Variants in NREP observed in about 807,000 individuals in gnomAD.
NREP encodes the protein neuronal regeneration-related protein.
In NREP, 5 loss-of-function variants were observed where a neutral mutation model predicts 8.6. The ratio of observed to expected loss-of-function variants is 0.58; its 90% CI spans 0.30 to 1.22. The LOEUF is 1.22. NREP is among the 50% of genes most tolerant of loss of function. The probability of loss-of-function intolerance (pLI) is 0.07; values close to 1 mark genes in which losing one functional copy is unlikely to be tolerated. For missense variants in NREP, 86 were observed against 82.5 expected (o/e 1.04, Z -0.17); for synonymous variants, 27 against 28.0 (o/e 0.96, Z 0.11).
chr5:111,927,175 G>C (rs1417591153), intron 2 of NREP, among the ~76,000 whole-genome samples: 1 of 152,006 alleles, frequency 6.6e-6, no homozygotes, highest in Admixed American at 6.6e-5. Flanking sequence ...GGTGTGTGGT[G>C]GGGGAGCCCT....
At chr5:111,802,278 G>C (rs1174655646) in intron 2 of NREP, among the ~76,000 whole-genome samples, 1 of 151,694 alleles carries the variant, frequency 6.6e-6, no homozygotes, top group Admixed American at 6.5e-5. Context: ...GAAGAAAAAT[G>C]TTAAGAAGGT....
At chr5:111,743,720 C>T (rs1241663258) in intron 2 of NREP, among the ~76,000 whole-genome samples, 1 of 152,074 alleles carries the variant, frequency 6.6e-6, no homozygotes, top group East Asian at 1.9e-4. Flanking sequence ...AGGGCTTTTT[C>T]CAAGCACATT....
rs1049156441 is a variant in NREP, at chr5:111,730,546, G to GGA, written c.*374_*375insTC. On this transcript the variant is annotated 3_prime_UTR_variant, in exon 4 of 4. Coordinates refer to ENST00000257435, the MANE Select transcript of NREP (RefSeq NM_004772.4). Reference sequence around the variant, plus strand: ...TCTAAATGAAAAAAAAGGTGGGGGGGGGACTCTCAGCCTCTGCAAGAAGCA... The same window carrying GGA: ...TCTAAATGAAAAAAAAGGTGGGGGGGGAGGACTCTCAGCCTCTGCAAGAAGCA... 5 of 170,276 alleles carry GGA rather than the reference G, an allele frequency of 2.9e-5. No homozygotes were observed. The highest frequency in any genetic ancestry group is 6.2e-5 in the Non-Finnish European group (5 of 80,244). 10.5% of individuals were successfully genotyped at this position (170,276 alleles called of 1,614,324 possible).
chr5:111,822,370 G>A (rs535689150), intron 2 of NREP, among the ~76,000 whole-genome samples: 2 of 152,326 alleles, frequency 1.3e-5, no homozygotes, highest in African/African-American at 4.8e-5. Context: ...AAGCTGAGAA[G>A]ACCCTTAGGC....
chr5:111,803,364 T>C (rs551339788), intron 2 of NREP, among the ~76,000 whole-genome samples: 11 of 152,316 alleles, frequency 7.2e-5, no homozygotes, highest in African/African-American at 2.6e-4. Flanking sequence ...ATAAATCTAG[T>C]TTGATACAGA....
intron 2 of NREP, among the ~76,000 whole-genome samples, chr5:111,902,215 A>G (rs116297768): frequency 5.1e-3 from 781 of 152,308 alleles, no homozygotes; most frequent in Non-Finnish European, 8.9e-3. Context: ...CCTCTCTTAA[A>G]TAAATGGTGC....
intron 2 of NREP, among the ~76,000 whole-genome samples, chr5:111,755,181 T>C (rs1750621580): frequency 6.6e-6 from 1 of 152,232 alleles, no homozygotes; most frequent in African/African-American, 2.4e-5. Flanking sequence ...GAAATAGTTA[T>C]ACTTTTATTT....
intron 2 of NREP, among the ~76,000 whole-genome samples, chr5:111,766,549 AT>A (rs1391769591): frequency 1.3e-5 from 2 of 152,206 alleles, no homozygotes; most frequent in African/African-American, 4.8e-5. Context: ...ATTCCCTCTT[AT>A]CCACCTTCAG....
chr5:111,761,289 T>G (rs1750954715), upstream of NREP, among the ~76,000 whole-genome samples: 1 of 152,222 alleles, frequency 6.6e-6, no homozygotes, highest in Non-Finnish European at 1.5e-5. Context: ...TCATGTCTTG[T>G]CCTCTCTGGT....
At chr5:111,909,416 T>A (rs2112560494) in intron 2 of NREP, among the ~76,000 whole-genome samples, 1 of 152,184 alleles carries the variant, frequency 6.6e-6, no homozygotes, top group East Asian at 1.9e-4. Flanking sequence ...ACTTTAAGCC[T>A]TTTACTCTAT....
chr5:111,976,515 A>G (rs1756968173), intron 1 of NREP, among the ~76,000 whole-genome samples: 1 of 152,240 alleles, frequency 6.6e-6, no homozygotes, highest in African/African-American at 2.4e-5. Flanking sequence ...AGAGAAGACA[A>G]TAAGCAAATA....
chr5:111,909,706 T>C (rs78675344), intron 2 of NREP, among the ~76,000 whole-genome samples: 16,798 of 152,078 alleles, frequency 0.11, 1,428 homozygotes, highest in African/African-American at 0.23. Context: ...GGCTTGGACA[T>C]GAAATTTATT....
At chr5:111,881,143 A>C (rs949835874) in intron 2 of NREP, among the ~76,000 whole-genome samples, 8 of 151,782 alleles carry the variant, frequency 5.3e-5, no homozygotes, top group Admixed American at 5.2e-4. Context: ...CTTTTCCGAC[A>C]GGCTTAAAAA....
At chr5:111,756,892 A>G (rs1750748722) in intron 1 of NREP, among the ~76,000 whole-genome samples, 1 of 152,180 alleles carries the variant, frequency 6.6e-6, no homozygotes, top group Non-Finnish European at 1.5e-5. Context: ...CCCTTCCCAA[A>G]AGAATTCATT....
intron 2 of NREP, among the ~76,000 whole-genome samples, chr5:111,769,358 C>A (rs1030203323): frequency 6.6e-6 from 1 of 152,170 alleles, no homozygotes; most frequent in Non-Finnish European, 1.5e-5. Flanking sequence ...AAATCCAAGG[C>A]ACAAGAAACA....
intron 2 of NREP, among the ~76,000 whole-genome samples, chr5:111,826,369 G>A (rs1350187044): frequency 2.0e-5 from 3 of 152,178 alleles, no homozygotes; most frequent in Non-Finnish European, 2.9e-5. Context: ...CAGCACTGTG[G>A]AAGTTTTGTT....
intron 2 of NREP, among the ~76,000 whole-genome samples, chr5:111,767,461 C>A (rs952597975): frequency 6.6e-6 from 1 of 152,172 alleles, no homozygotes; most frequent in Non-Finnish European, 1.5e-5. Flanking sequence ...GAAGGACCCA[C>A]AAGCATCATA....
chr5:111,930,996 G>A (rs1328465490), intron 2 of NREP, among the ~76,000 whole-genome samples: 1 of 152,116 alleles, frequency 6.6e-6, no homozygotes, highest in Non-Finnish European at 1.5e-5. Context: ...GAACTAGCCT[G>A]AGTATACAGC....
chr5:111,763,290 T>C (rs1204021689), intron 2 of NREP, among the ~76,000 whole-genome samples: 2 of 152,162 alleles, frequency 1.3e-5, no homozygotes, highest in South Asian at 4.1e-4. Context: ...GAAAAATAGA[T>C]GTAAACTTAG....
Sources: allele counts gnomAD v4.1 joint callset (sites outside exome capture counted in the v4.1 genomes callset), GRCh38; gene constraint gnomAD v4.1.1; transcripts MANE v1.5; gene names NCBI Gene and HGNC (gene_info 2026-07-23, HGNC 2026-07-21).